Variants in CAV1 observed in about 807,000 individuals in gnomAD.
CAV1 encodes caveolin-1.
A neutral mutation model predicts 16.5 loss-of-function variants in CAV1; 10 were observed. That is an observed-to-expected ratio of 0.61 (90% confidence interval 0.37 to 1.03). CAV1 has a LOEUF of 1.03. CAV1 is among the 50% of genes least tolerant of loss of function. The pLI is 0.01. For missense variants in CAV1, 212 were observed against 232.8 expected, an observed-to-expected ratio of 0.91 and a Z score of 0.58; for synonymous variants, 76 against 85.1, an observed-to-expected ratio of 0.89 and a Z score of 0.59.
At chr7:116,525,506 C>A (rs1263127502) in intron 1 of CAV1, 1 of 1,250,330 alleles carries the variant, frequency 8.0e-7, no homozygotes, top group Non-Finnish European at 1.0e-6. Flanking sequence ...TGGGGACAGT[C>A]CCCGGGACTC....
At chr7:116,555,542 G>GAGAA (rs1225761657) in intron 2 of CAV1, among the ~76,000 whole-genome samples, 211 of 12,130 alleles carry the variant, frequency 0.017, 21 homozygotes, top group South Asian at 0.044. Flanking sequence ...GAGAGAGAGA[G>GAGAA]AGAAAGAAAG....
intron 1 of CAV1, chr7:116,526,265 G>T: frequency 8.0e-7 from 1 of 1,247,766 alleles, no homozygotes; most frequent in Non-Finnish European, 1.0e-6. Flanking sequence ...ACCCCTGGCG[G>T]CGGGCGGGGG....
In CAV1 at chr7:116,560,274, G is replaced by T. The variant is rs145054697; in HGVS notation, c.*987G>T. 153 of 158,306 alleles carry T rather than the reference G, an allele frequency of 9.7e-4. 1 individual carries two copies. Among genetic ancestry groups the T allele is most frequent in the African/African-American group, 3.5e-3 (147 of 41,802 alleles). The allele number at this position is 158,306 out of a possible 1,614,324, so 9.8% of individuals were successfully genotyped here. A position where few individuals can be genotyped will look rare whatever the true frequency, so the allele number is the denominator to read the frequency against. ...GAGGTCAGCATGTCTATTCAGCTTCGTTTATTTTCAAGAATAATCACGCTT... is the reference window on the plus strand; with the variant it reads ...GAGGTCAGCATGTCTATTCAGCTTCTTTTATTTTCAAGAATAATCACGCTT... On this transcript the variant is annotated 3_prime_UTR_variant, in exon 3 of 3. Transcript: ENST00000341049.
intron 2 of CAV1, among the ~76,000 whole-genome samples, chr7:116,556,164 A>G (rs1794290509): frequency 6.6e-6 from 1 of 152,224 alleles, no homozygotes; most frequent in African/African-American, 2.4e-5. Flanking sequence ...AAAGTGTAAG[A>G]ATCTCCTATG....
chr7:116,555,550 AAG>A lies in CAV1; in HGVS notation c.196-3394_196-3393del, dbSNP rs1562838405. Reference sequence around the variant, plus strand: ...AGAGAGAGAGAGAGAGAGAGAAAGAAAGAAAGAAAGAAAGAAAGAAAGAAAGA... The same window carrying A: ...AGAGAGAGAGAGAGAGAGAGAAAGAAAAAGAAAGAAAGAAAGAAAGAAAGA... On this transcript the variant is annotated intron_variant, in intron 2 of 2. Coordinates refer to ENST00000341049, the MANE Select transcript of CAV1 (RefSeq NM_001753.5). Among the ~76,000 whole-genome samples the A allele has an allele frequency of 4.1e-5, 2 of 48,262 alleles. 1 individual carries two copies. The highest frequency in any genetic ancestry group is 8.0e-5 in the Non-Finnish European group (2 of 24,872). 31.7% of individuals were successfully genotyped at this position (48,262 alleles called of 152,430 possible).
At chr7:116,527,555 A>AT (rs1197171077) in intron 2 of CAV1, among the ~76,000 whole-genome samples, 1 of 152,160 alleles carries the variant, frequency 6.6e-6, no homozygotes, top group East Asian at 1.9e-4. Context: ...TTGTTATTAG[A>AT]TTTTGACCCT....
At chr7:116,538,891 T>C (rs1220976360) in intron 2 of CAV1, among the ~76,000 whole-genome samples, 1 of 152,186 alleles carries the variant, frequency 6.6e-6, no homozygotes, top group Non-Finnish European at 1.5e-5. Context: ...AAACCCCTTA[T>C]AAAAGCATCA....
At chr7:116,545,065 G>C (rs1794013145) in intron 2 of CAV1, among the ~76,000 whole-genome samples, 1 of 152,208 alleles carries the variant, frequency 6.6e-6, no homozygotes, top group Admixed American at 6.5e-5. Flanking sequence ...TTCTAGGCTA[G>C]AAATATTTCT....
intron 2 of CAV1, among the ~76,000 whole-genome samples, chr7:116,555,619 A>AAGGG (rs139872813): frequency 5.2e-5 from 6 of 116,502 alleles, no homozygotes; most frequent in Admixed American, 8.4e-5. Flanking sequence ...AGAAAGAAAG[A>AAGGG]AGGGAGGGAG....
At chr7:116,544,602 A>ATAACT (rs1162592070) in intron 2 of CAV1, among the ~76,000 whole-genome samples, 1 of 152,228 alleles carries the variant, frequency 6.6e-6, no homozygotes, top group Non-Finnish European at 1.5e-5. Flanking sequence ...AACATTATGA[A>ATAACT]TAACTTAGAG....
At chr7:116,537,196 G>T (rs907402651) in intron 2 of CAV1, among the ~76,000 whole-genome samples, 1 of 152,106 alleles carries the variant, frequency 6.6e-6, no homozygotes, top group Non-Finnish European at 1.5e-5. Context: ...ACTTCTGAGG[G>T]TGTACATATG....
In CAV1 at chr7:116,526,709, A is replaced by C; in HGVS notation, c.195+20A>C. ...GTCAAGGTAAGCCAAGGCGACCAAC[A>C]GGGAAGGGCTGGGACAGCTCTCCTC... On this transcript the variant is annotated intron_variant, in intron 2 of 2. Transcript: ENST00000341049. The C allele has an allele frequency of 6.2e-7, 1 of 1,613,898 alleles. No individual in the cohort carries two copies. Among genetic ancestry groups the C allele is most frequent in the East Asian group, 2.2e-5 (1 of 44,872 alleles).
At chr7:116,556,549 G>A (rs1282407440) in intron 2 of CAV1, among the ~76,000 whole-genome samples, 1 of 152,090 alleles carries the variant, frequency 6.6e-6, no homozygotes, top group East Asian at 1.9e-4. Context: ...TTTCTATAAA[G>A]TGAGAATACT....
intron 2 of CAV1, among the ~76,000 whole-genome samples, chr7:116,545,721 T>C (rs1249785442): frequency 6.6e-6 from 1 of 152,254 alleles, no homozygotes; most frequent in Non-Finnish European, 1.5e-5. Context: ...CAAATGTGCA[T>C]GCAGACCAAT....
intron 2 of CAV1, among the ~76,000 whole-genome samples, chr7:116,547,861 C>A (rs764704406): frequency 4.6e-5 from 7 of 152,108 alleles, no homozygotes; most frequent in Non-Finnish European, 1.0e-4. Flanking sequence ...ACTATCATAC[C>A]GCATCTTACA....
At chr7:116,550,331 C>T (rs146846827) in intron 2 of CAV1, among the ~76,000 whole-genome samples, 92 of 152,256 alleles carry the variant, frequency 6.0e-4, no homozygotes, top group African/African-American at 1.9e-3. Context: ...GAACCAACGT[C>T]GAAGCCCAAG....
intron 2 of CAV1, among the ~76,000 whole-genome samples, chr7:116,542,000 C>T (rs959173): frequency 0.78 from 118,979 of 152,116 alleles, 47,532 homozygotes; most frequent in East Asian, 0.95. Context: ...TCCCCTATGC[C>T]AGCAGGATAC....
At chr7:116,548,252 A>G (rs983036333) in intron 2 of CAV1, among the ~76,000 whole-genome samples, 10 of 152,224 alleles carry the variant, frequency 6.6e-5, no homozygotes, top group Non-Finnish European at 2.9e-5. Flanking sequence ...ATACTAATGT[A>G]TGGGAACCAC....
intron 2 of CAV1, among the ~76,000 whole-genome samples, chr7:116,555,606 GAAAGAAAGAAAGA>G (rs1562838765): frequency 3.2e-4 from 32 of 98,648 alleles, no homozygotes; most frequent in African/African-American, 9.4e-4. Context: ...GAAAGAAAGA[GAAAGAAAGAAAGA>G]AGGGAGGGAG....
Sources: allele counts gnomAD v4.1 joint callset (sites outside exome capture counted in the v4.1 genomes callset), GRCh38; gene constraint gnomAD v4.1.1; transcripts MANE v1.5; gene names NCBI Gene and HGNC (gene_info 2026-07-23, HGNC 2026-07-21).